Variants in AGPAT4 observed in about 807,000 individuals in gnomAD.
The protein encoded by AGPAT4 is 1-acyl-sn-glycerol-3-phosphate acyltransferase delta.
In AGPAT4, 15 loss-of-function variants were observed where a neutral mutation model predicts 48.0. The observed-to-expected ratio is 0.31, with a 90% CI of 0.21 to 0.48. The LOEUF is 0.48. Among genes scored for constraint, AGPAT4 ranks in the 20% least tolerant of loss-of-function variants. The probability of loss-of-function intolerance (pLI) is 0.99; values close to 1 mark genes in which losing one functional copy is unlikely to be tolerated. For synonymous variants in AGPAT4, 178 were observed against 198.7 expected (o/e 0.90, Z 0.88); for missense variants, 314 against 482.5 (o/e 0.65, Z 3.27).
At position 161,204,339 on chromosome 6, in the gene AGPAT4, T is replaced by A. The variant is rs897169185; in HGVS notation, c.178+27697A>T. On this transcript the variant is annotated intron_variant, in intron 2 of 8. Coordinates refer to ENST00000320285, the MANE Select transcript of AGPAT4 (RefSeq NM_020133.3). The surrounding 1 kb of genome is among the most constrained non-coding windows in gnomAD (Gnocchi z 4.4). ...TTGGCCCGAATACATTTTCAATCAC[T>A]GCATTCTCAAAATTTCTTTCAAACT... Among the ~76,000 whole-genome samples the A allele has an allele frequency of 2.6e-5, 4 of 152,224 alleles. No homozygotes were observed. Among genetic ancestry groups the A allele is most frequent in the Admixed American group, 2.6e-4 (4 of 15,286 alleles).
rs1486081557 is a variant in AGPAT4 at position 161,232,774 on chromosome 6, C to A, written c.-89-472G>T. 2.0e-5 allele frequency among the ~76,000 whole-genome samples: 3 copies of A among 152,118 alleles called. No homozygotes were observed. The highest frequency in any genetic ancestry group is 7.2e-5 in the African/African-American group (3 of 41,412). ...TCCTCTCATTCTCCTCCTCCAGATC[C>A]CTGCTCACCCCTCGCTTCCAGCAGG... On this transcript the variant is annotated intron_variant, in intron 1 of 8. Coordinates refer to ENST00000320285, the MANE Select transcript of AGPAT4 (RefSeq NM_020133.3). This position sits in a 1 kb window ranked among gnomAD's most constrained non-coding sequence, Gnocchi z 6.8.
chr6:161,218,763 G>A lies in AGPAT4; in HGVS notation c.178+13273C>T, dbSNP rs546014811. Among the ~76,000 whole-genome samples, 1 of 152,082 alleles carries A rather than the reference G, an allele frequency of 6.6e-6. No individual in the cohort carries two copies. ...CATATCATGTAACCATATACTCTGA[G>A]GTGGCAGAGGTGAAAAAACACTGTT... On this transcript the variant is annotated intron_variant, in intron 2 of 8. Transcript: ENST00000320285. The surrounding 1 kb of genome is among the most constrained non-coding windows in gnomAD (Gnocchi z 4.7).
intron 1 of AGPAT4, among the ~76,000 whole-genome samples, chr6:161,271,881 C>A (rs1377233860): frequency 2.6e-5 from 4 of 152,146 alleles, no homozygotes; most frequent in Non-Finnish European, 5.9e-5. Context: ...CCCTTGAGGA[C>A]CATTTTCAGA....
At chr6:161,260,533 T>A (rs753427519) in intron 1 of AGPAT4, among the ~76,000 whole-genome samples, 10 of 151,534 alleles carry the variant, frequency 6.6e-5, no homozygotes, top group Non-Finnish European at 1.5e-4. Context: ...ACACCTGTAG[T>A]CCTAGCTACT....
rs1158784051 is a variant in AGPAT4 at position 161,270,370 on chromosome 6, T to C, written c.-90+3568A>G. Among the ~76,000 whole-genome samples the C allele has an allele frequency of 2.6e-5, 4 of 152,180 alleles. No homozygotes were observed. The highest frequency in any genetic ancestry group is 4.4e-5 in the Non-Finnish European group (3 of 68,026). ...TCACACAAAGAATAATGAATTTGAG[T>C]TGCCCAAGCTCTAGGAAATGTTACA... On this transcript the variant is annotated intron_variant, in intron 1 of 8. Transcript: ENST00000320285. This position sits in a 1 kb window ranked among gnomAD's most constrained non-coding sequence, Gnocchi z 5.3.
rs929175522 is a variant in AGPAT4, at chr6:161,138,651, C to G, written c.1042+771G>C. 7.9e-5 allele frequency among the ~76,000 whole-genome samples: 12 copies of G among 152,180 alleles called. No individual in the cohort carries two copies. Among genetic ancestry groups the G allele is most frequent in the African/African-American group, 2.9e-4 (12 of 41,440 alleles). ...TGTGTTTGACAGAAAATAACTGAGT[C>G]CTGTCCATTTGGAAGAAGCACGTGA... On this transcript the variant is annotated intron_variant, in intron 8 of 8. Coordinates refer to ENST00000320285, the MANE Select transcript of AGPAT4 (RefSeq NM_020133.3). This position sits in a 1 kb window ranked among gnomAD's most constrained non-coding sequence, Gnocchi z 4.8.
intron 5 of AGPAT4, among the ~76,000 whole-genome samples, chr6:161,150,632 A>G (rs1055755381): frequency 6.6e-6 from 1 of 152,210 alleles, no homozygotes; most frequent in African/African-American, 2.4e-5. Flanking sequence ...GCCCTGCAGG[A>G]GAGCCTGGAA....
chr6:161,265,893 T>C (rs1490986070), intron 1 of AGPAT4, among the ~76,000 whole-genome samples: 1 of 152,164 alleles, frequency 6.6e-6, no homozygotes, highest in East Asian at 1.9e-4. Flanking sequence ...TTTAAGTTGG[T>C]TTACTATTAT....
At chr6:161,256,408 C>T (rs1338730054) in intron 1 of AGPAT4, among the ~76,000 whole-genome samples, 1 of 152,218 alleles carries the variant, frequency 6.6e-6, no homozygotes, top group African/African-American at 2.4e-5. Flanking sequence ...TGTTCTCCTT[C>T]CTGTGAGGCT....
rs375011382 is a variant in AGPAT4 at position 161,228,661 on chromosome 6, T to TAAAAAAAAAAAAAAAAAAAAA, written c.178+3374_178+3375insTTTTTTTTTTTTTTTTTTTTT. The stretch of plus-strand genomic sequence containing the variant: ...TTTGAAACCCACAATGTCAGAGAGG[T>TAAAAAAAAAAAAAAAAAAAAA]AAAAAAAAAAAAAAAAGCCAGTCTT... On this transcript the variant is annotated intron_variant, in intron 2 of 8. Coordinates refer to ENST00000320285, the MANE Select transcript of AGPAT4 (RefSeq NM_020133.3). Among the ~76,000 whole-genome samples the TAAAAAAAAAAAAAAAAAAAAA allele has an allele frequency of 1.8e-4, 15 of 84,112 alleles. 1 individual carries two copies. Among genetic ancestry groups the TAAAAAAAAAAAAAAAAAAAAA allele is most frequent in the East Asian group, 3.5e-4 (1 of 2,836 alleles). The allele number at this position is 84,112 out of a possible 152,430, so 55.2% of individuals were successfully genotyped here. A position where few individuals can be genotyped will look rare whatever the true frequency, so the allele number is the denominator to read the frequency against.
rs893766404 is a variant in AGPAT4 at position 161,133,490 on chromosome 6, C to T, written c.*3050G>A. The T allele has an allele frequency of 2.0e-5, 3 of 152,178 alleles. No individual in the cohort carries two copies. Among genetic ancestry groups the T allele is most frequent in the Admixed American group, 6.5e-5 (1 of 15,280 alleles). 9.4% of individuals were successfully genotyped at this position (152,178 alleles called of 1,614,324 possible). A position where few individuals can be genotyped will look rare whatever the true frequency, so the allele number is the denominator to read the frequency against. ...GGTGGTAGACTAACTCACAGAGTGC[C>T]TTACTTCTTCCTCCCGATTAATCGT... On this transcript the variant is annotated 3_prime_UTR_variant, in exon 9 of 9. Transcript: ENST00000320285.
intron 2 of AGPAT4, among the ~76,000 whole-genome samples, chr6:161,183,389 G>A (rs1562328030): frequency 6.6e-6 from 1 of 151,910 alleles, no homozygotes; most frequent in Non-Finnish European, 1.5e-5. Flanking sequence ...GGAGTCCCAG[G>A]TGGGCGGAGC....
Position 161,138,193 on chromosome 6 carries a change from T to C in AGPAT4, c.1042+1229A>G, listed in dbSNP as rs1317260778. Among the ~76,000 whole-genome samples the C allele has an allele frequency of 6.6e-6, 1 of 152,262 alleles. No homozygotes were observed. ...TGCCTTAAGGAGATGAGGTGCTTTC[T>C]TCTCCAACCTCTTATTTTTTTCCCT... On this transcript the variant is annotated intron_variant, in intron 8 of 8. Transcript: ENST00000320285. The surrounding 1 kb of genome is among the most constrained non-coding windows in gnomAD (Gnocchi z 4.8).
chr6:161,177,341 C>G lies in AGPAT4; in HGVS notation c.179-10924G>C, dbSNP rs944752081. On this transcript the variant is annotated intron_variant, in intron 2 of 8. Transcript: ENST00000320285. This position sits in a 1 kb window ranked among gnomAD's most constrained non-coding sequence, Gnocchi z 5.0. ...TATTTCTTGGAGGCTTTGTTTGTTT[C>G]TTTTTACTCTTCTTTCTCTAAACTT... 6.6e-6 allele frequency among the ~76,000 whole-genome samples: 1 copy of G among 152,168 alleles called. No individual in the cohort carries two copies. The highest frequency in any genetic ancestry group is 1.5e-5 in the Non-Finnish European group (1 of 68,038).
Position 161,221,233 on chromosome 6 carries a change from G to A in AGPAT4, c.178+10803C>T, listed in dbSNP as rs146178297. Among the ~76,000 whole-genome samples the A allele has an allele frequency of 2.4e-3, 364 of 152,296 alleles. 2 individuals carry two copies. The highest frequency in any genetic ancestry group is 8.4e-3 in the African/African-American group (347 of 41,556). ...TTTCCAGCATGGCAACCACTGGCTA[G>A]ATCTGAGTGGGGCAACTGGCCCCAG... On this transcript the variant is annotated intron_variant, in intron 2 of 8. Coordinates refer to ENST00000320285, the MANE Select transcript of AGPAT4 (RefSeq NM_020133.3). This position sits in a 1 kb window ranked among gnomAD's most constrained non-coding sequence, Gnocchi z 4.5.
chr6:161,213,456 G>C (rs1212545189), intron 2 of AGPAT4, among the ~76,000 whole-genome samples: 2 of 152,002 alleles, frequency 1.3e-5, no homozygotes, highest in Non-Finnish European at 2.9e-5. Flanking sequence ...TCTACAGTTT[G>C]GACTGAATTC....
chr6:161,153,705 G>A (rs1583285161), intron 4 of AGPAT4, among the ~76,000 whole-genome samples: 2 of 95,950 alleles, frequency 2.1e-5, no homozygotes, highest in East Asian at 2.8e-4. Flanking sequence ...CTGGTGTCAT[G>A]CCTGGCCCTG....
In AGPAT4 at chr6:161,232,205, G is replaced by A. The variant is rs760894826; in HGVS notation, c.9C>T (p.Leu3=). The A allele has an allele frequency of 2.7e-5, 43 of 1,613,806 alleles. No homozygotes were observed. In the Middle Eastern group the frequency reaches 5.0e-4, roughly 19 times the overall value. The part of the protein sequence containing the change: MD[L]AGLLKSQFLC... ...GGAACTGAGACTTCAGCAGTCCCGC[G>A]AGGTCCATGATGCGTGGACGCTCTT... The change falls in exon 2 of 9, where the codon CTC becomes CTT. Residue 3 remains leucine, a synonymous_variant. Coordinates refer to ENST00000320285, the MANE Select transcript of AGPAT4 (RefSeq NM_020133.3). The surrounding 1 kb of genome is among the most constrained non-coding windows in gnomAD (Gnocchi z 6.8).
At chr6:161,205,210 C>A (rs1041818743) in intron 2 of AGPAT4, among the ~76,000 whole-genome samples, 4 of 152,186 alleles carry the variant, frequency 2.6e-5, no homozygotes, top group Admixed American at 6.5e-5. Flanking sequence ...GCTGCCCCAC[C>A]ACAGAGAGTG....
Sources: gnomAD v4.1 joint callset for allele counts (sites outside exome capture counted in the v4.1 genomes callset) on GRCh38, gnomAD v4.1.1 for gene constraint, Gnocchi (gnomAD v3.1) non-coding constraint, MANE v1.5 for transcripts, NCBI Gene and HGNC (gene_info 2026-07-23, HGNC 2026-07-21) for gene names.